Variants in POU2F2 observed in about 807,000 individuals in gnomAD.
The protein encoded by POU2F2 is POU class 2 homeobox 2, also known as POU domain, class 2, transcription factor 2.
POU2F2 carries 14 observed loss-of-function variants against 63.5 expected under a neutral mutation model. The observed-to-expected ratio is 0.22, with a 90% CI of 0.15 to 0.34. The LOEUF (loss-of-function observed/expected upper bound fraction) is 0.34, where lower values mean the gene tolerates loss of function less well. Ranked by LOEUF, POU2F2 falls within the 10% of genes least tolerant of loss-of-function variation. The pLI is 1.00. For synonymous variants in POU2F2, 306 were observed against 348.6 expected, an observed-to-expected ratio of 0.88 and a Z score of 1.36; for missense variants, 607 against 815.2, an observed-to-expected ratio of 0.74 and a Z score of 3.11.
intron 7 of POU2F2, 55 bp downstream of exon 7, chr19:42,099,472 C>A: frequency 6.7e-7 from 1 of 1,486,508 alleles, no homozygotes; most frequent in Non-Finnish European, 9.4e-7. Context: ...GTTTACCCAG[C>A]TTTCAGCAGG....
intron 1 of POU2F2, among the ~76,000 whole-genome samples, chr19:42,186,318 G>A (rs1298765927): frequency 6.6e-6 from 1 of 152,076 alleles, no homozygotes; most frequent in East Asian, 1.9e-4. Context: ...TGGCTGGACA[G>A]AGCGAGACTC....
chr19:42,174,480 A>G (rs973616905), intron 1 of POU2F2, among the ~76,000 whole-genome samples: 1 of 152,166 alleles, frequency 6.6e-6, no homozygotes, highest in Non-Finnish European at 1.5e-5. Context: ...AGTGATACAT[A>G]AACATCAGGA....
Position 42,096,351 on chromosome 19 carries a change from C to T in POU2F2, c.568-108G>A, listed in dbSNP as rs2146330138. The T allele has an allele frequency of 8.4e-7, 1 of 1,188,658 alleles. No individual in the cohort carries two copies. The highest frequency in any genetic ancestry group is 2.8e-5 in the Admixed American group (1 of 35,506). The allele number at this position is 1,188,658 out of a possible 1,614,324, so 73.6% of individuals were successfully genotyped here. A position where few individuals can be genotyped will look rare whatever the true frequency, so the allele number is the denominator to read the frequency against. ...CCTCTTCGCCCCTGCGTTCCATCCG[C>T]CGCCTGCAGACTCCCCCCGCCTTCC... On this transcript the variant is annotated intron_variant, in intron 7 of 14. Transcript: ENST00000692977. This position sits in a 1 kb window ranked among gnomAD's most constrained non-coding sequence, Gnocchi z 4.1.
chr19:42,093,308 C>A (rs1036098409), intron 12 of POU2F2, among the ~76,000 whole-genome samples: 1 of 151,748 alleles, frequency 6.6e-6, no homozygotes, highest in African/African-American at 2.4e-5. Flanking sequence ...CCACACCCAG[C>A]GAATTTTATA....
In POU2F2 at chr19:42,091,878, GC is replaced by G; in HGVS notation, c.1528del (p.Ala510ProfsTer38). On this transcript the variant is annotated frameshift_variant, in exon 14 of 15. Coordinates refer to ENST00000692977, the MANE Select transcript of POU2F2 (RefSeq NM_001394376.1). LOFTEE classifies it high-confidence loss of function. ...SPALMSNNPL[A>X]TIQALASGGT... ...GAGGCAGCACGCACCTTGGATAGTG[GC>G]CAAAGGGTTGTTGCTCATGAGGGCT... The G allele has an allele frequency of 1.3e-6, 2 of 1,538,986 alleles. No homozygotes were observed. The highest frequency in any genetic ancestry group is 1.7e-6 in the Non-Finnish European group (2 of 1,146,914).
intron 2 of POU2F2, among the ~76,000 whole-genome samples, chr19:42,149,307 C>T (rs1014859726): frequency 1.3e-5 from 2 of 152,194 alleles, no homozygotes; most frequent in Non-Finnish European, 2.9e-5. Context: ...GACACTGACA[C>T]TGCCAAGAGA....
At chr19:42,132,275 G>A in intron 1 of POU2F2, 109 bp downstream of exon 1, 1 of 1,290,768 alleles carries the variant, frequency 7.7e-7, no homozygotes, top group Admixed American at 2.3e-5. Flanking sequence ...GAGTACAGAG[G>A]AGAAGGACAA....
chr19:42,138,870 G>A (rs1397849359), intron 2 of POU2F2, among the ~76,000 whole-genome samples: 2 of 152,142 alleles, frequency 1.3e-5, no homozygotes, highest in African/African-American at 4.8e-5. Context: ...AAGGTCTGTG[G>A]ACCAGAAGTC....
At chr19:42,158,728 A>G (rs768924574) in intron 2 of POU2F2, among the ~76,000 whole-genome samples, 5 of 152,204 alleles carry the variant, frequency 3.3e-5, no homozygotes, top group Admixed American at 6.5e-5. Context: ...TTTGAAGACA[A>G]ATAATTGAAA....
chr19:42,116,685 C>T (rs2031909419), intron 5 of POU2F2: 1 of 309,192 alleles, frequency 3.2e-6, no homozygotes, highest in Non-Finnish European at 6.4e-6. Context: ...TGCAGGGAGC[C>T]TGGTCCCCAG....
chr19:42,111,955 AC>A (rs2031173774), intron 5 of POU2F2, among the ~76,000 whole-genome samples: 1 of 152,224 alleles, frequency 6.6e-6, no homozygotes, highest in African/African-American at 2.4e-5. Context: ...GTGACATGGA[AC>A]CCAGGAAGTT....
rs1378423517 is a variant in POU2F2, at chr19:42,096,654, T to C, written c.568-411A>G. 6.6e-6 allele frequency among the ~76,000 whole-genome samples: 1 copy of C among 152,206 alleles called. No homozygotes were observed. Among genetic ancestry groups the C allele is most frequent in the East Asian group, 1.9e-4 (1 of 5,200 alleles). On this transcript the variant is annotated intron_variant, in intron 7 of 14. Transcript: ENST00000692977. The surrounding 1 kb of genome is among the most constrained non-coding windows in gnomAD (Gnocchi z 4.1). ...TAGCCCAGGCCTCACTTTCCCCCTC[T>C]GCAGGATGGGAACAATCACTGCTGT...
At chr19:42,115,716 TG>T (rs1380728623) in intron 5 of POU2F2, among the ~76,000 whole-genome samples, 1 of 152,228 alleles carries the variant, frequency 6.6e-6, no homozygotes, top group East Asian at 1.9e-4. Context: ...ATGGGAACTC[TG>T]TTGGCCACTG....
intron 5 of POU2F2, chr19:42,116,987 C>T (rs974479240): frequency 4.9e-6 from 3 of 617,602 alleles, no homozygotes; most frequent in Admixed American, 4.7e-5. Context: ...TGCTGCTGAG[C>T]TGGCATCAGT....
At chr19:42,196,706 C>T (rs1023796030), upstream of POU2F2, 1 of 152,538 alleles carries the variant, frequency 6.6e-6, no homozygotes, top group East Asian at 1.9e-4. Context: ...CCCTCACCCC[C>T]CGCGCCTCGC....
chr19:42,146,979 T>C (rs1208833307), intron 2 of POU2F2, among the ~76,000 whole-genome samples: 1 of 152,188 alleles, frequency 6.6e-6, no homozygotes, highest in Non-Finnish European at 1.5e-5. Context: ...CCTGAGTGAC[T>C]TCAGTGGTCT....
chr19:42,194,836 A>G (rs116425439), intron 1 of POU2F2, among the ~76,000 whole-genome samples: 2,354 of 116,242 alleles, frequency 0.02, 99 homozygotes, highest in African/African-American at 0.074. Flanking sequence ...AGAAAGGGAG[A>G]AAGGGAGGAA....
At position 42,117,392 on chromosome 19, in the gene POU2F2, G is replaced by A; in HGVS notation, c.227C>T (p.Pro76Leu). 3.4e-6 allele frequency: 5 copies of A among 1,491,712 alleles called. No individual in the cohort carries two copies. Among genetic ancestry groups the A allele is most frequent in the Non-Finnish European group, 4.5e-6 (5 of 1,103,876 alleles). The allele number at this position is 1,491,712 out of a possible 1,614,324, so 92.4% of individuals were successfully genotyped here. A position where few individuals can be genotyped will look rare whatever the true frequency, so the allele number is the denominator to read the frequency against. ...CTGGGGGGGAGAGAGGCAGGGTCCG[G>A]GACCCCAGAATGTTAAGTGGAGGCC... ...LSGLHLTFWG[P>L]GPCLSPPQIK... Residue 76 changes from proline (P) to leucine (L), a missense_variant, in exon 5 of 15, where the codon CCC (proline) becomes CTC (leucine). By Grantham distance (98) the Pro-to-Leu change is moderately conservative. Around this residue, in one of 7 missense-constraint regions of POU2F2, gnomAD observed 224 missense variants for 264.3 expected, o/e 0.85. Coordinates refer to ENST00000692977, the MANE Select transcript of POU2F2 (RefSeq NM_001394376.1). The surrounding 1 kb of genome is among the most constrained non-coding windows in gnomAD (Gnocchi z 4.4).
At chr19:42,144,834 G>A (rs2034198806) in intron 2 of POU2F2, among the ~76,000 whole-genome samples, 1 of 152,218 alleles carries the variant, frequency 6.6e-6, no homozygotes, top group African/African-American at 2.4e-5. Context: ...GCCAATTCCA[G>A]AGCCCAGCTC....
Sources: allele counts gnomAD v4.1 joint callset (sites outside exome capture counted in the v4.1 genomes callset), GRCh38; gene constraint gnomAD v4.1.1; regional missense constraint gnomAD v4.1.1; non-coding constraint Gnocchi (gnomAD v3.1); transcripts MANE v1.5; gene names NCBI Gene and HGNC (gene_info 2026-07-23, HGNC 2026-07-21).